MAEL: variants seen among roughly 807,000 people sequenced by gnomAD.
The protein encoded by MAEL is protein maelstrom homolog.
A neutral mutation model predicts 62.0 loss-of-function variants in MAEL; 46 were observed. The observed-to-expected ratio is 0.74, with a 90% confidence interval of 0.59 to 0.95. The LOEUF is 0.95. MAEL is among the 40% of genes least tolerant of loss of function. The probability of loss-of-function intolerance (pLI) is 0.00; values close to 1 mark genes in which losing one functional copy is unlikely to be tolerated. For missense variants in MAEL, 497 were observed against 526.8 expected (o/e 0.94, Z 0.55); for synonymous variants, 172 against 175.5 (o/e 0.98, Z 0.16).
intron 5 of MAEL, among the ~76,000 whole-genome samples, chr1:167,001,427 A>G (rs1571257033): frequency 2.6e-5 from 4 of 152,250 alleles, no homozygotes; most frequent in African/African-American, 9.6e-5. Context: ...AACATTTTTT[A>G]AAAAAGATCT....
chr1:167,010,230 A>G (rs893005668), intron 8 of MAEL, among the ~76,000 whole-genome samples: 1 of 152,152 alleles, frequency 6.6e-6, no homozygotes, highest in Non-Finnish European at 1.5e-5. Flanking sequence ...CCATGATTAT[A>G]AATTTCCTGA....
intron 5 of MAEL, among the ~76,000 whole-genome samples, chr1:166,995,247 GT>G (rs912049317): frequency 8.7e-5 from 13 of 149,236 alleles, no homozygotes; most frequent in Admixed American, 4.7e-4. Flanking sequence ...TTCCTTTTTT[GT>G]TTTTTTTTGG....
At chr1:166,988,711 T>C (rs1664010312), upstream of MAEL, among the ~76,000 whole-genome samples, 1 of 152,160 alleles carries the variant, frequency 6.6e-6, no homozygotes, top group South Asian at 2.1e-4. Context: ...AGGAATAAAA[T>C]TGACAAAAAG....
At chr1:167,002,697 A>G (rs1025039235) in intron 5 of MAEL, among the ~76,000 whole-genome samples, 2 of 152,230 alleles carry the variant, frequency 1.3e-5, no homozygotes, top group African/African-American at 4.8e-5. Flanking sequence ...GGAAGGATGG[A>G]CAGGTAATCA....
At chr1:166,991,326 C>G (rs1664164668) in intron 2 of MAEL, 52 bp from the exon 3 acceptor site, 1 of 1,182,674 alleles carries the variant, frequency 8.5e-7, no homozygotes. Flanking sequence ...AATGTATGGT[C>G]TAAAAGTGCC....
At chr1:166,976,198 C>T (rs1027039989) in intron 1 of MAEL, among the ~76,000 whole-genome samples, 15 of 152,212 alleles carry the variant, frequency 9.9e-5, no homozygotes, top group African/African-American at 3.6e-4. Flanking sequence ...ATCCATCCAA[C>T]ACTTTATAGA....
At chr1:166,993,907 T>C in intron 4 of MAEL, 121 bp from the exon 5 acceptor site, 2 of 670,806 alleles carry the variant, frequency 3.0e-6, no homozygotes, top group Non-Finnish European at 4.9e-6. Flanking sequence ...TTTAATCTTT[T>C]GTATTTTCAT....
chr1:166,993,228 AG>A (rs1403190490), intron 4 of MAEL, among the ~76,000 whole-genome samples: 1 of 152,202 alleles, frequency 6.6e-6, no homozygotes, highest in East Asian at 1.9e-4. Flanking sequence ...GTAGCCTTGA[AG>A]AAATTACTTA....
intron 1 of MAEL, among the ~76,000 whole-genome samples, chr1:166,980,196 T>A (rs1317054522): frequency 1.3e-5 from 2 of 151,938 alleles, no homozygotes; most frequent in Non-Finnish European, 2.9e-5. Context: ...TTTTAATTTG[T>A]ATTTTTTTTT....
chr1:167,003,378 T>G (rs1238919267), intron 5 of MAEL, among the ~76,000 whole-genome samples: 1 of 152,214 alleles, frequency 6.6e-6, no homozygotes, highest in Non-Finnish European at 1.5e-5. Flanking sequence ...GTCAACTATA[T>G]ATTTGTTCTC....
chr1:167,016,292 G>C lies in MAEL; in HGVS notation c.908+8G>C, dbSNP rs1213563308. ...TGTTTGCAAGAAGATTGCGTAAGTTGGGGAAAGGAGTTTCTTCATAATACT... is the reference window on the plus strand; with the variant it reads ...TGTTTGCAAGAAGATTGCGTAAGTTCGGGAAAGGAGTTTCTTCATAATACT... On this transcript the variant is annotated splice_region_variant and intron_variant, in intron 9 of 11. Coordinates refer to ENST00000367872, the MANE Select transcript of MAEL (RefSeq NM_032858.3). 6.2e-7 allele frequency: 1 copy of C among 1,612,578 alleles called. No individual in the cohort carries two copies. Among genetic ancestry groups the C allele is most frequent in the Admixed American group, 1.7e-5 (1 of 59,920 alleles).
chr1:167,010,753 G>A (rs566750633), intron 8 of MAEL, among the ~76,000 whole-genome samples: 1 of 152,190 alleles, frequency 6.6e-6, no homozygotes, highest in East Asian at 1.9e-4. Context: ...TGGCTATTTT[G>A]TTCTTATAAT....
At chr1:166,979,739 C>G (rs1213588878) in intron 1 of MAEL, among the ~76,000 whole-genome samples, 14 of 152,196 alleles carry the variant, frequency 9.2e-5, no homozygotes, top group Non-Finnish European at 4.4e-5. Context: ...TGCAGTGGTG[C>G]TGGGTGCTGA....
chr1:167,004,939 C>T (rs962578649), intron 6 of MAEL, 137 bp from the exon 7 acceptor site: 1 of 687,870 alleles, frequency 1.5e-6, no homozygotes, highest in Non-Finnish European at 2.4e-6. Flanking sequence ...TTCATTGGCA[C>T]AAACTCCTCA....
At chr1:166,991,139 C>T in intron 2 of MAEL, among the ~76,000 whole-genome samples, 1 of 152,140 alleles carries the variant, frequency 6.6e-6, no homozygotes, top group East Asian at 1.9e-4. Flanking sequence ...CAGTAGTGGG[C>T]AAAATGGCTT....
At chr1:166,984,001 CAAA>C (rs5778528) in intron 1 of MAEL, among the ~76,000 whole-genome samples, 8 of 117,702 alleles carry the variant, frequency 6.8e-5, no homozygotes, top group East Asian at 2.5e-4. Flanking sequence ...GATCCTGTCT[CAAA>C]AAAAAAAAAA....
upstream of MAEL, among the ~76,000 whole-genome samples, chr1:166,987,738 T>C (rs933262131): frequency 3.3e-5 from 5 of 152,068 alleles, no homozygotes; most frequent in African/African-American, 9.7e-5. Flanking sequence ...CTAATAACCA[T>C]ACAAAAGATA....
intron 10 of MAEL, 44 bp downstream of exon 10, chr1:167,018,003 C>A: frequency 6.3e-7 from 1 of 1,585,652 alleles, no homozygotes; most frequent in Non-Finnish European, 8.6e-7. Context: ...TTTAGCTGTT[C>A]TACTCAATGT....
chr1:167,011,993 C>T (rs1037963102), intron 8 of MAEL, among the ~76,000 whole-genome samples: 8 of 152,166 alleles, frequency 5.3e-5, no homozygotes, highest in African/African-American at 1.9e-4. Context: ...AAAACTCTTA[C>T]ATAGTACTGT....
Sources: allele counts gnomAD v4.1 joint callset (sites outside exome capture counted in the v4.1 genomes callset), GRCh38; gene constraint gnomAD v4.1.1; transcripts MANE v1.5; gene names NCBI Gene and HGNC (gene_info 2026-07-23, HGNC 2026-07-21).